Variants in CRK observed in about 807,000 individuals in gnomAD.
The protein encoded by CRK is adapter molecule crk.
In CRK, 4 loss-of-function variants were observed where a neutral mutation model predicts 29.8. The ratio of observed to expected loss-of-function variants is 0.13; its 90% confidence interval spans 0.07 to 0.31. CRK has a LOEUF of 0.31. CRK is among the 10% of genes least tolerant of loss of function. CRK has a pLI of 1.00. For missense variants in CRK, 274 were observed against 396.5 expected, an observed-to-expected ratio of 0.69 and a Z score of 2.62; for synonymous variants, 153 against 164.9, an observed-to-expected ratio of 0.93 and a Z score of 0.55.
chr17:1,431,482 G>A (rs367628122), intron 2 of CRK, among the ~76,000 whole-genome samples: 2 of 152,088 alleles, frequency 1.3e-5, no homozygotes, highest in Non-Finnish European at 2.9e-5. Context: ...AGCACTTTGG[G>A]AGGCAGAGGG....
intron 2 of CRK, among the ~76,000 whole-genome samples, chr17:1,436,294 CAGAA>C (rs1489636746): frequency 1.3e-5 from 2 of 152,086 alleles, no homozygotes; most frequent in Non-Finnish European, 2.9e-5. Context: ...CAACGACAAA[CAGAA>C]AGCAAGAAAC....
chr17:1,429,019 C>T (rs774241733), intron 2 of CRK, among the ~76,000 whole-genome samples: 110 of 147,030 alleles, frequency 7.5e-4, no homozygotes, highest in Non-Finnish European at 1.5e-3. Flanking sequence ...CTAATTTTTT[C>T]GCATTTTTAG....
intron 2 of CRK, among the ~76,000 whole-genome samples, chr17:1,428,215 T>C (rs2150900316): frequency 6.6e-6 from 1 of 151,408 alleles, no homozygotes; most frequent in South Asian, 2.1e-4. Context: ...GCCTCCAGGA[T>C]TCAAATGATT....
At chr17:1,447,700 C>T (rs1245163292) in intron 1 of CRK, among the ~76,000 whole-genome samples, 1 of 151,194 alleles carries the variant, frequency 6.6e-6, no homozygotes, top group African/African-American at 2.4e-5. Context: ...CCTCTGCCTC[C>T]TGCCTCCTGG....
rs1203110902 is a variant in CRK, at chr17:1,439,904, G to C, written c.242-2749C>G. On this transcript the variant is annotated intron_variant, in intron 1 of 2. Coordinates refer to ENST00000300574, the MANE Select transcript of CRK (RefSeq NM_016823.4). ...GTGGTGCCTCACACCTGTAATCCTAGAACTTTAGGAGGCTGAGGTGGGAGG... is the reference window on the plus strand; with the variant it reads ...GTGGTGCCTCACACCTGTAATCCTACAACTTTAGGAGGCTGAGGTGGGAGG... 3.9e-5 allele frequency among the ~76,000 whole-genome samples: 6 copies of C among 152,212 alleles called. No individual in the cohort carries two copies. The South Asian group carries it at 8.3e-4, about 21-fold the overall frequency.
Position 1,422,745 on chromosome 17 carries a change from A to C in CRK, c.*768T>G. Reference sequence around the variant, plus strand: ...TGACCTACTACGACCCTTTTGGGGAAGGCAGAGAGCTGGGAGACTGGCTGT... The same window carrying C: ...TGACCTACTACGACCCTTTTGGGGACGGCAGAGAGCTGGGAGACTGGCTGT... On this transcript the variant is annotated 3_prime_UTR_variant, in exon 3 of 3. Coordinates refer to ENST00000300574, the MANE Select transcript of CRK (RefSeq NM_016823.4). 2.6e-6 allele frequency: 1 copy of C among 391,698 alleles called. No individual in the cohort carries two copies. Among genetic ancestry groups the C allele is most frequent in the Non-Finnish European group, 4.5e-6 (1 of 221,946 alleles). The allele number at this position is 391,698 out of a possible 1,614,324, so 24.3% of individuals were successfully genotyped here. A position where few individuals can be genotyped will look rare whatever the true frequency, so the allele number is the denominator to read the frequency against.
chr17:1,443,703 T>A (rs1040046988), intron 1 of CRK, among the ~76,000 whole-genome samples: 4 of 150,248 alleles, frequency 2.7e-5, no homozygotes, highest in Non-Finnish European at 5.9e-5. Context: ...CCAGCCCCAC[T>A]TTTTTTTATT....
At chr17:1,448,528 CAGG>C (rs2073992406) in intron 1 of CRK, among the ~76,000 whole-genome samples, 1 of 145,302 alleles carries the variant, frequency 6.9e-6, no homozygotes, top group African/African-American at 2.6e-5. Flanking sequence ...GAGGCTGAGG[CAGG>C]AGAACTGCCT....
chr17:1,454,187 G>A (rs1343623325), intron 1 of CRK, among the ~76,000 whole-genome samples: 2 of 152,128 alleles, frequency 1.3e-5, no homozygotes, highest in African/African-American at 4.8e-5. Flanking sequence ...GGGCGACAGA[G>A]AGACTCCGTC....
At chr17:1,428,569 G>A (rs1032647318) in intron 2 of CRK, among the ~76,000 whole-genome samples, 8 of 136,868 alleles carry the variant, frequency 5.8e-5, no homozygotes, top group Non-Finnish European at 1.1e-4. Flanking sequence ...TGTTGCCCTG[G>A]CTAGAGTACA....
intron 1 of CRK, among the ~76,000 whole-genome samples, chr17:1,451,681 A>G (rs1336236581): frequency 6.6e-6 from 1 of 152,056 alleles, no homozygotes; most frequent in Non-Finnish European, 1.5e-5. Context: ...GTGCCTGTCA[A>G]CAGCCACTGC....
chr17:1,435,840 T>C (rs1005799438), intron 2 of CRK, among the ~76,000 whole-genome samples: 2 of 151,848 alleles, frequency 1.3e-5, no homozygotes, highest in Non-Finnish European at 2.9e-5. Context: ...GCTTTTACAC[T>C]GAACCATCAA....
At chr17:1,446,934 C>G (rs966020904) in intron 1 of CRK, among the ~76,000 whole-genome samples, 1 of 152,194 alleles carries the variant, frequency 6.6e-6, no homozygotes. Flanking sequence ...GACACAGAAA[C>G]GTAAGCAAAA....
intron 1 of CRK, among the ~76,000 whole-genome samples, chr17:1,450,424 G>A (rs561281658): frequency 3.3e-5 from 5 of 151,980 alleles, no homozygotes; most frequent in African/African-American, 4.8e-5. Flanking sequence ...GGAGAATGAC[G>A]TGAACCCGGC....
intron 2 of CRK, among the ~76,000 whole-genome samples, chr17:1,435,186 A>G (rs1318327427): frequency 6.6e-6 from 1 of 152,010 alleles, no homozygotes; most frequent in Non-Finnish European, 1.5e-5. Context: ...CAGCCTCCCA[A>G]GTAGCTGGGA....
Position 1,444,605 on chromosome 17 carries a change from G to GA in CRK, c.242-7451dup, listed in dbSNP as rs1555654433. Among the ~76,000 whole-genome samples, 15 of 140,668 alleles carry GA rather than the reference G, an allele frequency of 1.1e-4. 1 individual carries two copies. The highest frequency in any genetic ancestry group is 2.1e-4 in the East Asian group (1 of 4,778). The allele number at this position is 140,668 out of a possible 152,430, so 92.3% of individuals were successfully genotyped here. ...TTTGGGAAGCCGAAGCGGGGGGGGGGATCACCTGAGATCGGGAGTTCGAGA... is the reference window on the plus strand; with the variant it reads ...TTTGGGAAGCCGAAGCGGGGGGGGGGAATCACCTGAGATCGGGAGTTCGAGA... On this transcript the variant is annotated intron_variant, in intron 1 of 2. Transcript: ENST00000300574.
intron 1 of CRK, among the ~76,000 whole-genome samples, chr17:1,454,246 A>T (rs954940494): frequency 2.0e-5 from 3 of 151,384 alleles, no homozygotes; most frequent in Non-Finnish European, 4.4e-5. Context: ...TTTTAAAAAA[A>T]TTAGTATGTG....
intron 2 of CRK, among the ~76,000 whole-genome samples, chr17:1,433,478 T>A (rs1163958703): frequency 3.4e-5 from 5 of 148,512 alleles, no homozygotes; most frequent in Admixed American, 1.4e-4. Context: ...CCCAAGCAGC[T>A]GAGACCACAG....
At chr17:1,442,268 C>G (rs2073941143) in intron 1 of CRK, among the ~76,000 whole-genome samples, 1 of 151,978 alleles carries the variant, frequency 6.6e-6, no homozygotes, top group African/African-American at 2.4e-5. Flanking sequence ...AATCCTCCCA[C>G]CTCAGCCTCC....
Sources: gnomAD v4.1 joint callset for allele counts (sites outside exome capture counted in the v4.1 genomes callset) on GRCh38, gnomAD v4.1.1 for gene constraint, MANE v1.5 for transcripts, NCBI Gene and HGNC (gene_info 2026-07-23, HGNC 2026-07-21) for gene names.